Variants in GRIK1 observed in about 807,000 individuals in gnomAD.
GRIK1 encodes the protein glutamate ionotropic receptor kainate type subunit 1, also known as glutamate receptor ionotropic, kainate 1.
GRIK1 carries 69 observed loss-of-function variants against 105.7 expected under a neutral mutation model. The ratio of observed to expected loss-of-function variants is 0.65; its 90% CI spans 0.54 to 0.80. The LOEUF is 0.80. Among genes scored for constraint, GRIK1 ranks in the 30% least tolerant of loss-of-function variants. The pLI is 0.00. For missense variants in GRIK1, 1,109 were observed against 1,167.3 expected (o/e 0.95, Z 0.73); for synonymous variants, 438 against 431.3 (o/e 1.02, Z -0.19).
At chr21:29,583,896 T>C (rs1396545328) in intron 12 of GRIK1, among the ~76,000 whole-genome samples, 1 of 152,104 alleles carries the variant, frequency 6.6e-6, no homozygotes, top group African/African-American at 2.4e-5. Context: ...TATTAGGAAG[T>C]CTGGTGAAAA....
At chr21:29,579,969 A>G (rs1315844035) in intron 13 of GRIK1, among the ~76,000 whole-genome samples, 3 of 146,970 alleles carry the variant, frequency 2.0e-5, no homozygotes, top group South Asian at 2.1e-4. Flanking sequence ...GTGTGTGTAT[A>G]TATATATATA....
At chr21:29,596,375 T>C in intron 9 of GRIK1, 151 bp downstream of exon 9, 1 of 759,316 alleles carries the variant, frequency 1.3e-6, no homozygotes, top group South Asian at 1.4e-5. Flanking sequence ...AGATAACATA[T>C]TCAATCACTC....
chr21:29,628,322 C>A (rs183546829), intron 7 of GRIK1, among the ~76,000 whole-genome samples: 9 of 152,310 alleles, frequency 5.9e-5, no homozygotes, highest in African/African-American at 1.9e-4. Flanking sequence ...TGAAATGATG[C>A]ATTTATCATA....
intron 1 of GRIK1, among the ~76,000 whole-genome samples, chr21:29,856,025 G>A (rs182753826): frequency 3.4e-4 from 52 of 152,322 alleles, no homozygotes; most frequent in Non-Finnish European, 6.0e-4. Flanking sequence ...TATTGTTTCA[G>A]ATTCATACGT....
At chr21:29,548,803 A>G (rs2090085277) in intron 16 of GRIK1, among the ~76,000 whole-genome samples, 1 of 152,182 alleles carries the variant, frequency 6.6e-6, no homozygotes, top group Non-Finnish European at 1.5e-5. Context: ...GATCCAGCTG[A>G]TTTTCCCAAC....
chr21:29,678,771 C>T (rs1473365207), intron 3 of GRIK1, among the ~76,000 whole-genome samples: 3 of 152,062 alleles, frequency 2.0e-5, no homozygotes. Context: ...CACAAGTGGT[C>T]ATAATGACAC....
At chr21:29,916,062 A>G (rs2070984887) in intron 1 of GRIK1, among the ~76,000 whole-genome samples, 1 of 151,990 alleles carries the variant, frequency 6.6e-6, no homozygotes, top group Non-Finnish European at 1.5e-5. Context: ...TTAATAAAAT[A>G]TGTTCTTATA....
chr21:29,929,602 T>C (rs550635552), intron 1 of GRIK1, among the ~76,000 whole-genome samples: 1 of 152,320 alleles, frequency 6.6e-6, no homozygotes, highest in Non-Finnish European at 1.5e-5. Flanking sequence ...ATTTCTTAAG[T>C]AACCTCACCT....
rs573199543 is a variant in GRIK1, at chr21:29,545,665, A to G, written c.2608-7781T>C. Among the ~76,000 whole-genome samples, 4 of 152,252 alleles carry G rather than the reference A, an allele frequency of 2.6e-5. No homozygotes were observed. In the South Asian group the frequency reaches 8.3e-4, roughly 32 times the overall value. On this transcript the variant is annotated intron_variant, in intron 16 of 17. Transcript: ENST00000327783. Reference sequence around the variant, plus strand: ...CTACACGCATAGCTTTCAGGGCCCTACCTTTAAGCTAAACTGACCGTGATG... The same window carrying G: ...CTACACGCATAGCTTTCAGGGCCCTGCCTTTAAGCTAAACTGACCGTGATG...
intron 1 of GRIK1, among the ~76,000 whole-genome samples, chr21:29,924,658 C>CT (rs1403081489): frequency 6.6e-6 from 1 of 152,134 alleles, no homozygotes; most frequent in African/African-American, 2.4e-5. Context: ...CTCCCCCGAC[C>CT]TTTTTTGTTT....
At chr21:29,902,984 T>C (rs1433004953) in intron 1 of GRIK1, among the ~76,000 whole-genome samples, 1 of 152,098 alleles carries the variant, frequency 6.6e-6, no homozygotes. Flanking sequence ...ACCACACATA[T>C]ACAACCATCT....
intron 15 of GRIK1, among the ~76,000 whole-genome samples, chr21:29,557,066 A>G (rs1310902639): frequency 6.6e-6 from 1 of 152,192 alleles, no homozygotes; most frequent in African/African-American, 2.4e-5. Flanking sequence ...TAAGGGTTGG[A>G]AAGTGCCAAC....
intron 7 of GRIK1, among the ~76,000 whole-genome samples, chr21:29,617,270 C>A (rs2061873654): frequency 1.3e-5 from 2 of 152,190 alleles, no homozygotes; most frequent in African/African-American, 4.8e-5. Flanking sequence ...GAATTTAGTT[C>A]TTTTACGGTG....
At chr21:29,725,232 C>T (rs894053960) in intron 1 of GRIK1, among the ~76,000 whole-genome samples, 2 of 152,078 alleles carry the variant, frequency 1.3e-5, no homozygotes, top group Admixed American at 1.3e-4. Flanking sequence ...TGAGAAATGA[C>T]CCTTGGCACA....
chr21:29,680,404 T>C (rs1166988263), intron 3 of GRIK1, among the ~76,000 whole-genome samples: 3 of 152,246 alleles, frequency 2.0e-5, no homozygotes, highest in African/African-American at 7.2e-5. Flanking sequence ...CGTATCTTAC[T>C]CTTCTACTGT....
chr21:29,762,345 A>C (rs1347286105), intron 1 of GRIK1, among the ~76,000 whole-genome samples: 1 of 152,200 alleles, frequency 6.6e-6, no homozygotes, highest in African/African-American at 2.4e-5. Context: ...CTAAGTTTTA[A>C]AATCATAGCA....
Position 29,627,490 on chromosome 21 carries a change from G to C in GRIK1, c.1098+15336C>G, listed in dbSNP as rs181212783. Among the ~76,000 whole-genome samples the C allele has an allele frequency of 9.8e-5, 15 of 152,294 alleles. No individual in the cohort carries two copies. In the East Asian group the frequency reaches 2.9e-3, roughly 29 times the overall value. ...CAATGTGGGAGAAAGAGATTCCCGT[G>C]CCCCACACCATCACCCCATTGTCCC... is the stretch of plus-strand genomic sequence containing the variant. On this transcript the variant is annotated intron_variant, in intron 7 of 17. Transcript: ENST00000327783.
intron 1 of GRIK1, among the ~76,000 whole-genome samples, chr21:29,733,585 A>G (rs2064695490): frequency 6.6e-6 from 1 of 152,116 alleles, no homozygotes; most frequent in African/African-American, 2.4e-5. Context: ...TATATTCATT[A>G]AACTAAAACC....
intron 11 of GRIK1, among the ~76,000 whole-genome samples, chr21:29,588,039 A>T (rs1296396615): frequency 7.6e-6 from 1 of 131,764 alleles, no homozygotes; most frequent in East Asian, 2.5e-4. Context: ...CAGTGGTGCA[A>T]TCTCGGCTCA....
Sources: gnomAD v4.1 joint callset for allele counts (sites outside exome capture counted in the v4.1 genomes callset) on GRCh38, gnomAD v4.1.1 for gene constraint, MANE v1.5 for transcripts, NCBI Gene and HGNC (gene_info 2026-07-23, HGNC 2026-07-21) for gene names.